LDB2: variants seen among roughly 807,000 people sequenced by gnomAD.
LDB2 encodes the protein LIM domain-binding protein 2.
Under a neutral mutation model 44.3 loss-of-function variants are expected in LDB2, and 12 were observed. The observed-to-expected ratio is 0.27, with a 90% confidence interval of 0.17 to 0.44. The LOEUF (loss-of-function observed/expected upper bound fraction) is 0.44. LDB2 is among the 20% of genes least tolerant of loss of function. LDB2 has a pLI of 1.00. For synonymous variants in LDB2, 164 were observed against 174.8 expected, an observed-to-expected ratio of 0.94 and a Z score of 0.49; for missense variants, 344 against 473.5, an observed-to-expected ratio of 0.73 and a Z score of 2.54.
At chr4:16,587,195 T>C (rs1717296795) in intron 4 of LDB2, among the ~76,000 whole-genome samples, 2 of 152,236 alleles carry the variant, frequency 1.3e-5, no homozygotes. Flanking sequence ...ATGTTGTTCC[T>C]GCTGCTGTGG....
At chr4:16,881,838 T>C (rs1008871775) in intron 1 of LDB2, among the ~76,000 whole-genome samples, 2 of 152,164 alleles carry the variant, frequency 1.3e-5, no homozygotes, top group African/African-American at 2.4e-5. Context: ...TTAAGAGACC[T>C]AGTTGCAGCC....
At chr4:16,536,628 A>T (rs1731966624) in intron 5 of LDB2, among the ~76,000 whole-genome samples, 1 of 152,194 alleles carries the variant, frequency 6.6e-6, no homozygotes, top group Non-Finnish European at 1.5e-5. Context: ...CTCACTCAAC[A>T]GGAAGTCATC....
chr4:16,652,388 T>A (rs1317084996), intron 2 of LDB2, among the ~76,000 whole-genome samples: 1 of 152,098 alleles, frequency 6.6e-6, no homozygotes, highest in East Asian at 1.9e-4. Context: ...AACAGATTGG[T>A]TTATTTTGGG....
At chr4:16,862,116 C>G (rs1275804352) in intron 1 of LDB2, among the ~76,000 whole-genome samples, 2 of 152,148 alleles carry the variant, frequency 1.3e-5, no homozygotes. Context: ...CTTCCTGTTC[C>G]AAGGAGATTA....
At chr4:16,886,396 A>G (rs1180735985) in intron 1 of LDB2, among the ~76,000 whole-genome samples, 3 of 152,200 alleles carry the variant, frequency 2.0e-5, no homozygotes, top group Non-Finnish European at 4.4e-5. Flanking sequence ...AATACTCATA[A>G]TTTTACTTAA....
Position 16,888,712 on chromosome 4 carries a change from C to T in LDB2, c.132+9642G>A, listed in dbSNP as rs2302195. 5.1e-6 allele frequency: 5 copies of T among 984,366 alleles called. No individual in the cohort carries two copies. In the East Asian group the frequency reaches 3.4e-4, roughly 67 times the overall value. 61.0% of individuals were successfully genotyped at this position (984,366 alleles called of 1,614,324 possible). On this transcript the variant is annotated intron_variant, in intron 1 of 7. Transcript: ENST00000304523. The stretch of plus-strand genomic sequence containing the variant: ...CTGATAGAATCCAGAATAAGTGTAT[C>T]GTCGTCATCGTCGTCATCATCATCA...
At chr4:16,734,777 C>T (rs1761529234) in intron 2 of LDB2, among the ~76,000 whole-genome samples, 1 of 149,418 alleles carries the variant, frequency 6.7e-6, no homozygotes, top group African/African-American at 2.5e-5. Context: ...GGCACAATCT[C>T]GGCTCACTGC....
chr4:16,866,980 T>C (rs1242093814), intron 1 of LDB2, among the ~76,000 whole-genome samples: 1 of 152,192 alleles, frequency 6.6e-6, no homozygotes, highest in Non-Finnish European at 1.5e-5. Flanking sequence ...TGGACTTTTG[T>C]GACAACCTTG....
At chr4:16,735,285 G>C (rs560931990) in intron 2 of LDB2, among the ~76,000 whole-genome samples, 28 of 152,216 alleles carry the variant, frequency 1.8e-4, no homozygotes, top group African/African-American at 5.1e-4. Flanking sequence ...TGTAAGAAGA[G>C]AGGCTCAAAC....
chr4:16,769,260 C>T (rs924462543), intron 1 of LDB2, among the ~76,000 whole-genome samples: 2 of 151,668 alleles, frequency 1.3e-5, no homozygotes, highest in East Asian at 1.9e-4. Context: ...TAAATCTCCC[C>T]TTTTTTACTT....
chr4:16,881,602 C>CTTTT (rs34180998), intron 1 of LDB2, among the ~76,000 whole-genome samples: 7 of 133,204 alleles, frequency 5.3e-5, no homozygotes, highest in African/African-American at 1.7e-4. Context: ...GAATTTGGGC[C>CTTTT]TTTTTTTTTT....
chr4:16,507,445 G>A (rs1024005220), intron 7 of LDB2, among the ~76,000 whole-genome samples: 2 of 152,100 alleles, frequency 1.3e-5, no homozygotes, highest in African/African-American at 4.8e-5. Flanking sequence ...GGAAGTAAGT[G>A]GGGAATCCCT....
chr4:16,806,321 T>C (rs1216933594), intron 1 of LDB2, among the ~76,000 whole-genome samples: 1 of 152,214 alleles, frequency 6.6e-6, no homozygotes, highest in Non-Finnish European at 1.5e-5. Context: ...TCTTTCCCCA[T>C]GAAACTCTGA....
chr4:16,744,282 G>A (rs370858426), intron 2 of LDB2, among the ~76,000 whole-genome samples: 13 of 147,892 alleles, frequency 8.8e-5, no homozygotes, highest in East Asian at 4.1e-4. Context: ...TCAGCCTCCC[G>A]AGTAATTGGG....
intron 5 of LDB2, among the ~76,000 whole-genome samples, chr4:16,574,268 T>G (rs1747596080): frequency 6.6e-6 from 1 of 152,130 alleles, no homozygotes; most frequent in African/African-American, 2.4e-5. Flanking sequence ...TAGACTTACT[T>G]AACAATAACA....
intron 5 of LDB2, among the ~76,000 whole-genome samples, chr4:16,569,870 G>A (rs1018134896): frequency 1.3e-5 from 2 of 152,178 alleles, no homozygotes; most frequent in Non-Finnish European, 2.9e-5. Flanking sequence ...ATCAAATAAA[G>A]TTAATGACAC....
chr4:16,513,809 C>A (rs1577287522), intron 5 of LDB2, among the ~76,000 whole-genome samples: 4 of 152,168 alleles, frequency 2.6e-5, no homozygotes, highest in African/African-American at 7.2e-5. Flanking sequence ...GCCCCCACAG[C>A]AAGCCATAGA....
At chr4:16,696,224 G>A (rs1442639838) in intron 2 of LDB2, among the ~76,000 whole-genome samples, 2 of 152,132 alleles carry the variant, frequency 1.3e-5, no homozygotes, top group Non-Finnish European at 1.5e-5. Context: ...GCGGAACAGT[G>A]AGTATCTCTG....
chr4:16,701,246 C>T (rs2152632803), intron 2 of LDB2, among the ~76,000 whole-genome samples: 1 of 152,296 alleles, frequency 6.6e-6, no homozygotes, highest in Admixed American at 6.5e-5. Flanking sequence ...ACAAAGATAT[C>T]AGTGCTCAAT....
Sources: allele counts gnomAD v4.1 joint callset (sites outside exome capture counted in the v4.1 genomes callset), GRCh38; gene constraint gnomAD v4.1.1; transcripts MANE v1.5; gene names NCBI Gene and HGNC (gene_info 2026-07-23, HGNC 2026-07-21).